RALYL: variants seen among roughly 807,000 people sequenced by gnomAD.
RALYL encodes RALY RNA binding protein like.
RALYL carries 29 observed loss-of-function variants against 35.1 expected under a neutral mutation model. That is an observed-to-expected ratio of 0.83 (90% CI 0.61 to 1.13). RALYL has a LOEUF of 1.13. Ranked by LOEUF, RALYL falls within the 50% of genes most tolerant of loss-of-function variation. The pLI is 0.00. For synonymous variants in RALYL, 120 were observed against 127.6 expected, an observed-to-expected ratio of 0.94 and a Z score of 0.40; for missense variants, 359 against 360.4, an observed-to-expected ratio of 1.00 and a Z score of 0.03.
At chr8:84,767,636 T>C (rs577911939) in intron 2 of RALYL, among the ~76,000 whole-genome samples, 18 of 152,138 alleles carry the variant, frequency 1.2e-4, no homozygotes, top group African/African-American at 4.3e-4. Context: ...ACAGGTAGAG[T>C]TCTCTTAACC....
intron 1 of RALYL, among the ~76,000 whole-genome samples, chr8:84,372,897 T>TTTGTTTTG (rs1856133305): frequency 4.4e-5 from 6 of 136,956 alleles, no homozygotes; most frequent in Non-Finnish European, 7.8e-5. Context: ...TTTTTTTTTT[T>TTTGTTTTG]TTTTTTTTTT....
chr8:84,369,529 A>G (rs1351576122), intron 1 of RALYL, among the ~76,000 whole-genome samples: 1 of 152,060 alleles, frequency 6.6e-6, no homozygotes, highest in East Asian at 1.9e-4. Flanking sequence ...GACATGAAGG[A>G]CATTCAAAGA....
At chr8:84,369,745 A>G (rs538472741) in intron 1 of RALYL, among the ~76,000 whole-genome samples, 1 of 152,302 alleles carries the variant, frequency 6.6e-6, no homozygotes, top group East Asian at 1.9e-4. Context: ...CCTAGCTCTC[A>G]CAGAATGCTT....
intron 2 of RALYL, among the ~76,000 whole-genome samples, chr8:84,603,617 A>G (rs16913034): frequency 0.012 from 1,873 of 152,214 alleles, 43 homozygotes; most frequent in African/African-American, 0.039. Flanking sequence ...GAAGTAACAC[A>G]TTCACATTGG....
chr8:84,342,260 G>T, intron 1 of RALYL, among the ~76,000 whole-genome samples: 1 of 74,744 alleles, frequency 1.3e-5, no homozygotes, highest in African/African-American at 7.7e-5. Context: ...AGTGAGTGAG[G>T]GTACAGAGCA....
intron 2 of RALYL, among the ~76,000 whole-genome samples, chr8:84,673,882 G>C (rs1284824456): frequency 2.0e-5 from 3 of 152,184 alleles, no homozygotes; most frequent in African/African-American, 7.2e-5. Context: ...GTTTCATATG[G>C]ATTTTAAAAT....
intron 6 of RALYL, among the ~76,000 whole-genome samples, chr8:84,866,803 C>T (rs1217153113): frequency 1.3e-5 from 2 of 152,088 alleles, no homozygotes; most frequent in South Asian, 2.1e-4. Flanking sequence ...TATTATTAAA[C>T]AAGATATAAA....
rs559852648 is a variant in RALYL, at chr8:84,690,139, C to A, written c.257-84440C>A. Among the ~76,000 whole-genome samples, 6 of 151,968 alleles carry A rather than the reference C, an allele frequency of 3.9e-5. No homozygotes were observed. In the South Asian group the frequency reaches 1.2e-3, roughly 32 times the overall value. On this transcript the variant is annotated intron_variant, in intron 2 of 8. Coordinates refer to ENST00000521268, the MANE Select transcript of RALYL (RefSeq NM_173848.7). ...TGAAATCAACCTAAGTTTCCATCAG[C>A]GAATGAATGGATAAAGAAAATGTGG...
chr8:84,765,701 C>T (rs186856937), intron 2 of RALYL, among the ~76,000 whole-genome samples: 348 of 151,998 alleles, frequency 2.3e-3, no homozygotes, highest in Middle Eastern at 0.01. Context: ...TTCTTTATCT[C>T]CTGAATTTTT....
At chr8:84,784,494 C>T (rs945328369) in intron 3 of RALYL, among the ~76,000 whole-genome samples, 1 of 152,074 alleles carries the variant, frequency 6.6e-6, no homozygotes, top group South Asian at 2.1e-4. Flanking sequence ...TGTATTTTTC[C>T]CTAGTCCATT....
intron 6 of RALYL, among the ~76,000 whole-genome samples, chr8:84,871,710 T>C (rs1840221524): frequency 6.6e-6 from 1 of 152,190 alleles, no homozygotes. Context: ...AGAGGGCCCA[T>C]GCTTCTTGCA....
At chr8:84,310,952 C>A (rs946636580) in intron 1 of RALYL, among the ~76,000 whole-genome samples, 2 of 139,392 alleles carry the variant, frequency 1.4e-5, no homozygotes, top group Admixed American at 1.4e-4. Context: ...GAGGCTGAGG[C>A]AGGAGAATGG....
At chr8:84,337,558 G>T (rs1029025487) in intron 1 of RALYL, among the ~76,000 whole-genome samples, 1 of 152,046 alleles carries the variant, frequency 6.6e-6, no homozygotes, top group Non-Finnish European at 1.5e-5. Context: ...TAACTTTTCA[G>T]TACATTGAAT....
intron 3 of RALYL, among the ~76,000 whole-genome samples, chr8:84,801,758 T>C (rs1359080252): frequency 6.6e-5 from 10 of 152,178 alleles, no homozygotes; most frequent in Non-Finnish European, 1.0e-4. Context: ...CAGTAAAGAA[T>C]GACATGGAAA....
intron 1 of RALYL, among the ~76,000 whole-genome samples, chr8:84,253,402 A>G (rs1416009074): frequency 6.9e-6 from 1 of 145,462 alleles, no homozygotes; most frequent in African/African-American, 2.6e-5. Context: ...GGTTTTCACC[A>G]TGTTGGCCAG....
chr8:84,816,546 A>AACAATTTAAAAGTTATATTG (rs1827333234), intron 4 of RALYL, among the ~76,000 whole-genome samples: 1 of 152,218 alleles, frequency 6.6e-6, no homozygotes, highest in African/African-American at 2.4e-5. Flanking sequence ...ACTAAGTCAG[A>AACAATTTAAAAGTTATATTG]ACAATTTAAA....
intron 1 of RALYL, among the ~76,000 whole-genome samples, chr8:84,361,192 C>T (rs1852941960): frequency 6.6e-6 from 1 of 151,992 alleles, no homozygotes; most frequent in Non-Finnish European, 1.5e-5. Context: ...ATGAATTTTG[C>T]CTTTAATCTG....
At chr8:84,615,676 T>A (rs1484183623) in intron 2 of RALYL, among the ~76,000 whole-genome samples, 1 of 138,010 alleles carries the variant, frequency 7.2e-6, no homozygotes, top group Admixed American at 7.5e-5. Context: ...ACATGTGCCA[T>A]GCTGGTGCGC....
chr8:84,469,857 G>T (rs924604032), intron 1 of RALYL, among the ~76,000 whole-genome samples: 1 of 152,148 alleles, frequency 6.6e-6, no homozygotes, highest in African/African-American at 2.4e-5. Context: ...TGTTTTTTAA[G>T]CCCGTCGGAA....
Sources: allele counts gnomAD v4.1 joint callset (sites outside exome capture counted in the v4.1 genomes callset), GRCh38; gene constraint gnomAD v4.1.1; transcripts MANE v1.5; gene names NCBI Gene and HGNC (gene_info 2026-07-23, HGNC 2026-07-21).